Variants in PCSK5 observed in about 807,000 individuals in gnomAD.
The protein encoded by PCSK5 is prohormone convertase 5.
In PCSK5, 129 loss-of-function variants were observed where a neutral mutation model predicts 233.2. The observed-to-expected ratio is 0.55, with a 90% CI of 0.48 to 0.64. PCSK5 has a LOEUF of 0.64. Among genes scored for constraint, PCSK5 ranks in the 30% least tolerant of loss-of-function variants. PCSK5 has a pLI of 0.00. For synonymous variants in PCSK5, 825 were observed against 879.2 expected, an observed-to-expected ratio of 0.94 and a Z score of 1.09; for missense variants, 2,076 against 2,430.1, an observed-to-expected ratio of 0.85 and a Z score of 3.06.
chr9:76,011,018 T>C (rs1005718679), intron 3 of PCSK5, among the ~76,000 whole-genome samples: 15 of 152,204 alleles, frequency 9.9e-5, no homozygotes, highest in African/African-American at 3.4e-4. Flanking sequence ...GATAGTGACT[T>C]TTCTGGAATT....
intron 3 of PCSK5, among the ~76,000 whole-genome samples, chr9:76,017,906 A>G (rs187795228): frequency 2.6e-5 from 4 of 152,118 alleles, no homozygotes; most frequent in Admixed American, 2.6e-4. Context: ...TACTTCGTAT[A>G]CCTCAAAAAG....
At chr9:76,213,881 C>G (rs1279220496) in intron 20 of PCSK5, among the ~76,000 whole-genome samples, 1 of 152,116 alleles carries the variant, frequency 6.6e-6, no homozygotes, top group African/African-American at 2.4e-5. Flanking sequence ...ACATTCTCCA[C>G]TTTCCCTCCT....
intron 10 of PCSK5, among the ~76,000 whole-genome samples, chr9:76,138,156 G>A (rs1483663791): frequency 6.6e-6 from 1 of 152,086 alleles, no homozygotes; most frequent in African/African-American, 2.4e-5. Context: ...AAACGTCAGG[G>A]ACACCATGGC....
chr9:76,206,705 G>T (rs1346102638), intron 20 of PCSK5, among the ~76,000 whole-genome samples: 2 of 152,190 alleles, frequency 1.3e-5, no homozygotes, highest in East Asian at 1.9e-4. Context: ...GAGACTAAGA[G>T]ATAAAGTAAT....
chr9:76,048,434 GTC>G (rs1829500810), intron 5 of PCSK5, among the ~76,000 whole-genome samples: 1 of 152,184 alleles, frequency 6.6e-6, no homozygotes, highest in Non-Finnish European at 1.5e-5. Flanking sequence ...CTGAGCAGTT[GTC>G]TCAGGAAAGA....
intron 35 of PCSK5, among the ~76,000 whole-genome samples, chr9:76,345,011 T>C (rs1392090955): frequency 6.6e-6 from 1 of 152,094 alleles, no homozygotes; most frequent in Non-Finnish European, 1.5e-5. Flanking sequence ...TGGGGGTATA[T>C]GTGCAGGTTT....
chr9:76,289,289 G>A (rs1828190466), intron 24 of PCSK5, among the ~76,000 whole-genome samples: 3 of 152,054 alleles, frequency 2.0e-5, no homozygotes. Context: ...TTCCAAATGT[G>A]TGAGGCTCTC....
At chr9:75,976,543 T>C (rs1826030746) in intron 2 of PCSK5, among the ~76,000 whole-genome samples, 1 of 151,576 alleles carries the variant, frequency 6.6e-6, no homozygotes, top group Admixed American at 6.6e-5. Flanking sequence ...ACATCATCAA[T>C]GGAAAAATGA....
At chr9:76,078,610 CTT>C (rs1830723720) in intron 7 of PCSK5, among the ~76,000 whole-genome samples, 1 of 152,026 alleles carries the variant, frequency 6.6e-6, no homozygotes. Flanking sequence ...TTTTGGTTGA[CTT>C]TGTTGAAAAT....
intron 2 of PCSK5, among the ~76,000 whole-genome samples, chr9:75,969,484 A>C (rs757334610): frequency 6.6e-5 from 10 of 152,080 alleles, no homozygotes; most frequent in Non-Finnish European, 1.5e-4. Flanking sequence ...TCAACCCCTT[A>C]AGCTTATACC....
At chr9:76,064,051 A>T (rs1348114663) in intron 5 of PCSK5, among the ~76,000 whole-genome samples, 2 of 88,114 alleles carry the variant, frequency 2.3e-5, no homozygotes. Context: ...CTGGCCGGGC[A>T]GAGGGGCTCC....
intron 30 of PCSK5, among the ~76,000 whole-genome samples, chr9:76,314,756 C>G (rs530630654): frequency 6.6e-6 from 1 of 152,216 alleles, no homozygotes; most frequent in African/African-American, 2.4e-5. Context: ...CCTGCCTCAG[C>G]CTCCCGAGTA....
intron 5 of PCSK5, among the ~76,000 whole-genome samples, chr9:76,055,915 G>C (rs1354576691): frequency 2.0e-5 from 3 of 152,206 alleles, no homozygotes; most frequent in South Asian, 4.1e-4. Flanking sequence ...GTGGTAATAT[G>C]ATGATGCATA....
intron 1 of PCSK5, among the ~76,000 whole-genome samples, chr9:75,892,765 T>A (rs972576486): frequency 1.3e-5 from 2 of 151,340 alleles, no homozygotes; most frequent in African/African-American, 4.9e-5. Flanking sequence ...GTGCGGGGAG[T>A]GTTCAGAGGA....
intron 4 of PCSK5, 121 bp from the exon 5 acceptor site, chr9:76,026,840 G>A (rs556663206): frequency 2.2e-5 from 14 of 637,676 alleles, no homozygotes; most frequent in Admixed American, 2.6e-5. Flanking sequence ...TGAGGTGAGC[G>A]TATTAGTTAA....
intron 24 of PCSK5, among the ~76,000 whole-genome samples, chr9:76,243,170 T>C (rs957552046): frequency 6.6e-6 from 1 of 152,156 alleles, no homozygotes; most frequent in African/African-American, 2.4e-5. Flanking sequence ...CAAAAAAAGA[T>C]AGATTAGGAA....
At chr9:76,185,551 G>C (rs1313093248) in intron 17 of PCSK5, among the ~76,000 whole-genome samples, 4 of 152,124 alleles carry the variant, frequency 2.6e-5, no homozygotes, top group Non-Finnish European at 5.9e-5. Context: ...ACCAGTATTG[G>C]AGCATCATTT....
At chr9:76,202,025 G>T (rs576878554) in intron 20 of PCSK5, among the ~76,000 whole-genome samples, 17 of 152,038 alleles carry the variant, frequency 1.1e-4, no homozygotes, top group Non-Finnish European at 2.1e-4. Flanking sequence ...AATCACAATG[G>T]TTGCAATATA....
At chr9:76,004,403 G>A (rs188153151) in intron 3 of PCSK5, among the ~76,000 whole-genome samples, 1 of 152,200 alleles carries the variant, frequency 6.6e-6, no homozygotes, top group Admixed American at 6.5e-5. Context: ...TTCACTTGGT[G>A]GATTGAGATG....
Sources: allele counts gnomAD v4.1 joint callset (sites outside exome capture counted in the v4.1 genomes callset), GRCh38; gene constraint gnomAD v4.1.1; transcripts MANE v1.5; gene names NCBI Gene and HGNC (gene_info 2026-07-23, HGNC 2026-07-21).